C12orf42: variants seen among roughly 807,000 people sequenced by gnomAD.
C12orf42 encodes the protein uncharacterized protein C12orf42.
A neutral mutation model predicts 21.6 loss-of-function variants in C12orf42; 25 were observed. The ratio of observed to expected loss-of-function variants is 1.16; its 90% CI spans 0.84 to 1.62. The LOEUF (loss-of-function observed/expected upper bound fraction) is 1.62. Among genes scored for constraint, C12orf42 ranks in the 40% most tolerant of loss-of-function variants. C12orf42 has a pLI of 0.00. For synonymous variants in C12orf42, 174 were observed against 175.0 expected (o/e 0.99, Z 0.05); for missense variants, 483 against 459.3 (o/e 1.05, Z -0.47).
the C12orf42 span, among the ~76,000 whole-genome samples, chr12:103,226,693 C>A: frequency 0.051 from 7,783 of 152,064 alleles, 271 homozygotes; most frequent in African/African-American, 0.09. Flanking sequence ...GGAGAAGAGG[C>A]TGAGGAAGAA....
intron 2 of C12orf42, among the ~76,000 whole-genome samples, chr12:103,432,650 C>A (rs535900743): frequency 6.6e-6 from 1 of 152,164 alleles, no homozygotes; most frequent in African/African-American, 2.4e-5. Context: ...CTCACCAGTA[C>A]TTTAGGTTGT....
intron 4 of C12orf42, among the ~76,000 whole-genome samples, chr12:103,310,165 TC>T: frequency 6.6e-6 from 1 of 152,326 alleles, no homozygotes; most frequent in East Asian, 1.9e-4. Flanking sequence ...TTTAGCACTA[TC>T]CCTCTGGTGC....
At chr12:103,108,023 T>C in the C12orf42 span, among the ~76,000 whole-genome samples, 13 of 151,458 alleles carry the variant, frequency 8.6e-5, no homozygotes, top group Admixed American at 3.3e-4. Flanking sequence ...TATAATTGAT[T>C]AAAGAAAAAA....
the C12orf42 span, among the ~76,000 whole-genome samples, chr12:103,179,575 A>G: frequency 1.3e-5 from 2 of 152,324 alleles, 1 homozygote; most frequent in Middle Eastern, 6.8e-3. Flanking sequence ...GGAAAAAAGA[A>G]TAGTGGATTA....
rs191249416 is a variant in C12orf42, at chr12:103,369,507, G to A, written c.148-509C>T. Among the ~76,000 whole-genome samples, 497 of 151,950 alleles carry A rather than the reference G, an allele frequency of 3.3e-3. 3 individuals carry two copies. Among genetic ancestry groups the A allele is most frequent in the African/African-American group, 0.011 (472 of 41,470 alleles). On this transcript the variant is annotated intron_variant, in intron 3 of 5. Coordinates refer to ENST00000548883, the MANE Select transcript of C12orf42 (RefSeq NM_198521.5). ...ACAGGCTCAGATGGAGTAGCCATGT[G>A]AGATCTTGGTTGAGAGTCATTCCAA...
the C12orf42 span, among the ~76,000 whole-genome samples, chr12:103,128,426 C>T: frequency 2.6e-5 from 4 of 152,204 alleles, no homozygotes; most frequent in Non-Finnish European, 4.4e-5. Context: ...ATGGCACTGG[C>T]TTTGCAGTTA....
At chr12:103,298,412 C>G (rs555535340), downstream of C12orf42, among the ~76,000 whole-genome samples, 6 of 152,260 alleles carry the variant, frequency 3.9e-5, no homozygotes, top group Non-Finnish European at 5.9e-5. Flanking sequence ...TGTGAAGGAC[C>G]TCTTCAAGGA....
At chr12:103,509,245 A>G in the C12orf42 span, among the ~76,000 whole-genome samples, 1 of 152,170 alleles carries the variant, frequency 6.6e-6, no homozygotes, top group Admixed American at 6.5e-5. Context: ...TTATGCTTCA[A>G]TGATGCAATA....
At chr12:103,468,404 G>A (rs898432947) in intron 2 of C12orf42, among the ~76,000 whole-genome samples, 6 of 152,140 alleles carry the variant, frequency 3.9e-5, no homozygotes, top group Non-Finnish European at 7.3e-5. Flanking sequence ...GACTCTAAAC[G>A]TAATGCATGT....
the C12orf42 span, among the ~76,000 whole-genome samples, chr12:103,218,321 T>C: frequency 6.6e-6 from 1 of 151,596 alleles, no homozygotes; most frequent in Non-Finnish European, 1.5e-5. Context: ...CACTAGAATA[T>C]ACTCTTCCTG....
the C12orf42 span, among the ~76,000 whole-genome samples, chr12:103,208,229 G>C: frequency 6.6e-6 from 1 of 152,166 alleles, no homozygotes; most frequent in African/African-American, 2.4e-5. Context: ...AAATGAAGAG[G>C]GGCTGGCCCA....
chr12:103,301,491 G>C (rs542303045), downstream of C12orf42, among the ~76,000 whole-genome samples: 1 of 152,272 alleles, frequency 6.6e-6, no homozygotes, highest in East Asian at 1.9e-4. Flanking sequence ...TCCCTAAGCT[G>C]CTCCAGTTTT....
the C12orf42 span, chr12:103,178,008 T>A: frequency 6.6e-6 from 1 of 152,192 alleles, no homozygotes. Flanking sequence ...GAGTAATTCA[T>A]GGAACGTGTG....
At chr12:103,068,484 G>A in the C12orf42 span, among the ~76,000 whole-genome samples, 2 of 152,090 alleles carry the variant, frequency 1.3e-5, no homozygotes, top group African/African-American at 4.8e-5. Context: ...GTGGACTTGT[G>A]ATGGTTAATA....
At chr12:103,255,295 C>G (rs978515930) in intron 10 of C12orf42, among the ~76,000 whole-genome samples, 1 of 152,064 alleles carries the variant, frequency 6.6e-6, no homozygotes, top group Non-Finnish European at 1.5e-5. Flanking sequence ...TCACTTGAAC[C>G]CAGGAGGCAG....
chr12:103,143,467 G>A, the C12orf42 span, among the ~76,000 whole-genome samples: 2 of 152,184 alleles, frequency 1.3e-5, no homozygotes, highest in Non-Finnish European at 2.9e-5. Context: ...GAGGAGTCAG[G>A]GGGTTCTAGC....
At chr12:103,554,035 T>G in the C12orf42 span, among the ~76,000 whole-genome samples, 1 of 152,110 alleles carries the variant, frequency 6.6e-6, no homozygotes, top group Admixed American at 6.5e-5. Flanking sequence ...TCACCTATTT[T>G]TATATAGGTC....
intron 2 of C12orf42, among the ~76,000 whole-genome samples, chr12:103,407,560 TAAG>T (rs1441832357): frequency 3.3e-5 from 5 of 152,196 alleles, no homozygotes; most frequent in Non-Finnish European, 5.9e-5. Flanking sequence ...TATCTTACTT[TAAG>T]AATACAGTAT....
the C12orf42 span, among the ~76,000 whole-genome samples, chr12:103,115,962 C>T: frequency 2.0e-5 from 3 of 152,108 alleles, no homozygotes; most frequent in Non-Finnish European, 4.4e-5. Context: ...AACAATGGAT[C>T]GATATGTGAA....
Sources: allele counts gnomAD v4.1 joint callset (sites outside exome capture counted in the v4.1 genomes callset), GRCh38; gene constraint gnomAD v4.1.1; transcripts MANE v1.5; gene names NCBI Gene and HGNC (gene_info 2026-07-23, HGNC 2026-07-21).